Variants in SUN3 observed in about 807,000 individuals in gnomAD.
SUN3 encodes SUN domain-containing protein 3.
Under a neutral mutation model 48.2 loss-of-function variants are expected in SUN3, and 36 were observed. The observed-to-expected ratio is 0.75, with a 90% confidence interval of 0.57 to 0.99. SUN3 has a LOEUF of 0.99. Ranked by LOEUF, SUN3 falls within the 50% of genes least tolerant of loss-of-function variation. The pLI is 0.00. For synonymous variants in SUN3, 148 were observed against 147.9 expected (o/e 1.00, Z 0.00); for missense variants, 419 against 433.1 (o/e 0.97, Z 0.29).
chr7:48,008,639 T>C (rs1213340713), intron 4 of SUN3, among the ~76,000 whole-genome samples: 1 of 152,190 alleles, frequency 6.6e-6, no homozygotes, highest in African/African-American at 2.4e-5. Flanking sequence ...GTACTACAAA[T>C]GTTACTGTTT....
chr7:48,024,601 A>G (rs536217267), intron 2 of SUN3, among the ~76,000 whole-genome samples: 2 of 152,256 alleles, frequency 1.3e-5, no homozygotes, highest in South Asian at 4.1e-4. Flanking sequence ...ATTTATAAAG[A>G]AAAGAGGTTT....
chr7:48,006,094 G>T, intron 5 of SUN3, 41 bp from the exon 6 acceptor site: 2 of 1,378,806 alleles, frequency 1.5e-6, no homozygotes, highest in Non-Finnish European at 2.0e-6. Flanking sequence ...AACAATCTTT[G>T]CCAACTGCTT....
At chr7:47,990,554 G>T (rs762556940) in intron 8 of SUN3, among the ~76,000 whole-genome samples, 1 of 138,374 alleles carries the variant, frequency 7.2e-6, no homozygotes, top group East Asian at 1.9e-4. Flanking sequence ...TCTATACTTT[G>T]TCTCTTTGTC....
At chr7:48,013,618 T>G (rs1287844466) in intron 3 of SUN3, among the ~76,000 whole-genome samples, 3 of 152,234 alleles carry the variant, frequency 2.0e-5, no homozygotes, top group Admixed American at 6.5e-5. Context: ...TGTTTAGAAA[T>G]AAGTATTCAT....
At chr7:47,993,821 A>G (rs147561900) in intron 8 of SUN3, among the ~76,000 whole-genome samples, 25 of 152,306 alleles carry the variant, frequency 1.6e-4, no homozygotes, top group African/African-American at 6.0e-4. Context: ...TGTTATGGGA[A>G]TTACATCTCC....
At chr7:47,988,668 G>A (rs1788965310) in intron 9 of SUN3, 120 bp downstream of exon 9, 1 of 566,942 alleles carries the variant, frequency 1.8e-6, no homozygotes, top group Non-Finnish European at 3.1e-6. Context: ...GATCAGATAA[G>A]CCTTGTGTAA....
intron 2 of SUN3, among the ~76,000 whole-genome samples, chr7:48,021,838 C>T (rs1321365554): frequency 6.6e-6 from 1 of 152,062 alleles, no homozygotes; most frequent in Non-Finnish European, 1.5e-5. Context: ...TAAATTAGTA[C>T]AACCACTCTG....
chr7:48,017,908 G>A (rs561333774), intron 2 of SUN3, among the ~76,000 whole-genome samples: 40 of 152,214 alleles, frequency 2.6e-4, no homozygotes, highest in Non-Finnish European at 4.6e-4. Context: ...ACATACTGCC[G>A]AAGCCCAACT....
intron 6 of SUN3, among the ~76,000 whole-genome samples, chr7:47,997,054 C>A (rs897511891): frequency 3.9e-5 from 6 of 152,156 alleles, no homozygotes; most frequent in African/African-American, 1.4e-4. Context: ...CCCACCTCGG[C>A]CTCCCAAAGT....
At position 47,996,476 on chromosome 7, in the gene SUN3, CAT is replaced by C. The variant is rs1298759198; in HGVS notation, c.578-332_578-331del. Among the ~76,000 whole-genome samples, 10 of 152,280 alleles carry C rather than the reference CAT, an allele frequency of 6.6e-5. No homozygotes were observed. In the East Asian group the frequency reaches 1.4e-3, roughly 21 times the overall value. ...TATAGATCTTTATATTTTAACAGCT[CAT>C]GTGATAAATGAGACTTCCTGTCATT... On this transcript the variant is annotated intron_variant, in intron 6 of 9. Coordinates refer to ENST00000297325, the MANE Select transcript of SUN3 (RefSeq NM_001030019.2).
intron 1 of SUN3, 66 bp downstream of exon 1, chr7:48,028,751 A>G (rs1326202707): frequency 1.3e-6 from 2 of 1,580,802 alleles, no homozygotes; most frequent in African/African-American, 1.4e-5. Context: ...ATGAACAGAC[A>G]CAAGTGACAG....
chr7:48,007,054 G>T, intron 5 of SUN3, 111 bp downstream of exon 5: 1 of 1,101,260 alleles, frequency 9.1e-7, no homozygotes, highest in Non-Finnish European at 1.3e-6. Flanking sequence ...ACTTCCCACT[G>T]GGAGAAGAAG....
chr7:47,997,359 C>T (rs1472880356), intron 6 of SUN3, among the ~76,000 whole-genome samples: 2 of 152,090 alleles, frequency 1.3e-5, no homozygotes, highest in African/African-American at 2.4e-5. Context: ...ATGTGTACTT[C>T]GTTTTTGAAG....
intron 3 of SUN3, among the ~76,000 whole-genome samples, chr7:48,012,618 T>C (rs907240907): frequency 1.3e-5 from 2 of 152,234 alleles, no homozygotes; most frequent in Non-Finnish European, 2.9e-5. Context: ...GTGCCCTGGG[T>C]AAATAACTAA....
the SUN3 span, among the ~76,000 whole-genome samples, chr7:48,035,230 ACT>A: frequency 3.3e-5 from 5 of 151,816 alleles, no homozygotes; most frequent in African/African-American, 1.2e-4. This position sits in a 1 kb window ranked among gnomAD's most constrained non-coding sequence, Gnocchi z 4.0. Flanking sequence ...CTGAGGCCTG[ACT>A]CTCTTCCTGC....
At chr7:48,016,742 T>C (rs1218607012) in intron 3 of SUN3, among the ~76,000 whole-genome samples, 1 of 152,244 alleles carries the variant, frequency 6.6e-6, no homozygotes, top group Non-Finnish European at 1.5e-5. Context: ...GCTATAAAAC[T>C]ATTGTCTTAG....
the SUN3 span, chr7:48,035,500 C>A: frequency 1.4e-6 from 1 of 697,418 alleles, no homozygotes; most frequent in South Asian, 1.5e-5. This position sits in a 1 kb window ranked among gnomAD's most constrained non-coding sequence, Gnocchi z 4.0. Context: ...AGCCGTTGCC[C>A]TGGCGACGCC....
chr7:48,005,772 T>C (rs1489664116), intron 6 of SUN3, among the ~76,000 whole-genome samples, 197 bp downstream of exon 6: 1 of 151,736 alleles, frequency 6.6e-6, no homozygotes, highest in Non-Finnish European at 1.5e-5. Flanking sequence ...CAGGCTTTTT[T>C]CCCTGGAACA....
intron 6 of SUN3, among the ~76,000 whole-genome samples, chr7:48,000,373 GGTGATCCACCC>G (rs1789329428): frequency 6.6e-6 from 1 of 152,048 alleles, no homozygotes; most frequent in Non-Finnish European, 1.5e-5. Flanking sequence ...CCTGACCTCA[GGTGATCCACCC>G]GCCTCGGCCT....
Sources: allele counts gnomAD v4.1 joint callset (sites outside exome capture counted in the v4.1 genomes callset), GRCh38; gene constraint gnomAD v4.1.1; non-coding constraint Gnocchi (gnomAD v3.1); transcripts MANE v1.5; gene names NCBI Gene and HGNC (gene_info 2026-07-23, HGNC 2026-07-21).